Variants in CSNK1G1 observed in about 807,000 individuals in gnomAD.
CSNK1G1 encodes the protein casein kinase I isoform gamma-1.
CSNK1G1 carries 22 observed loss-of-function variants against 59.6 expected under a neutral mutation model. That is an observed-to-expected ratio of 0.37 (90% CI 0.26 to 0.53). The LOEUF (loss-of-function observed/expected upper bound fraction) is 0.53, where lower values mean the gene tolerates loss of function less well. Ranked by LOEUF, CSNK1G1 falls within the 20% of genes least tolerant of loss-of-function variation. The pLI is 0.89. For missense variants in CSNK1G1, 384 were observed against 519.5 expected, an observed-to-expected ratio of 0.74 and a Z score of 2.54; for synonymous variants, 179 against 177.1, an observed-to-expected ratio of 1.01 and a Z score of -0.08.
chr15:64,288,542 T>C (rs559603940), intron 2 of CSNK1G1, among the ~76,000 whole-genome samples: 14 of 151,730 alleles, frequency 9.2e-5, no homozygotes, highest in Non-Finnish European at 1.6e-4. Context: ...ACATGATACT[T>C]TATAAAGTTA....
At chr15:64,303,587 A>C (rs1473110793) in intron 1 of CSNK1G1, among the ~76,000 whole-genome samples, 1 of 151,918 alleles carries the variant, frequency 6.6e-6, no homozygotes, top group Non-Finnish European at 1.5e-5. Flanking sequence ...CCCCATCTCT[A>C]CTAAAAACAA....
chr15:64,248,890 G>A (rs974908577), intron 4 of CSNK1G1, among the ~76,000 whole-genome samples: 3 of 152,134 alleles, frequency 2.0e-5, no homozygotes, highest in Non-Finnish European at 4.4e-5. Context: ...GGAGGCCGAG[G>A]CAGGCGGATC....
Position 64,165,773 on chromosome 15 carries a change from G to C in CSNK1G1, c.*6158C>G. On this transcript the variant is annotated 3_prime_UTR_variant, in exon 12 of 12. Coordinates refer to ENST00000303052, the MANE Select transcript of CSNK1G1 (RefSeq NM_022048.5). The stretch of plus-strand genomic sequence containing the variant: ...AGACATTTTATTTTACATACAAAAA[G>C]GGTGCAAACTGAGTCCTTTCCTCCC... The C allele has an allele frequency of 2.7e-6, 1 of 376,238 alleles. No individual in the cohort carries two copies. Among genetic ancestry groups the C allele is most frequent in the East Asian group, 4.0e-5 (1 of 25,274 alleles). The allele number at this position is 376,238 out of a possible 1,614,324, so 23.3% of individuals were successfully genotyped here.
At chr15:64,265,919 A>C (rs1292924207) in intron 2 of CSNK1G1, 1 of 396,826 alleles carries the variant, frequency 2.5e-6, no homozygotes, top group Admixed American at 2.9e-5. Flanking sequence ...CTGCATCTGC[A>C]AAAAAAAATT....
chr15:64,289,149 C>T (rs1437811647), intron 2 of CSNK1G1, among the ~76,000 whole-genome samples: 2 of 150,202 alleles, frequency 1.3e-5, no homozygotes, highest in Non-Finnish European at 2.9e-5. Context: ...CACTGCACTC[C>T]AGCCTGGGCG....
intron 2 of CSNK1G1, among the ~76,000 whole-genome samples, chr15:64,288,730 C>T (rs1308742853): frequency 6.6e-6 from 1 of 152,120 alleles, no homozygotes; most frequent in Non-Finnish European, 1.5e-5. Flanking sequence ...AAAAGCTTTG[C>T]CGCCTTCTGG....
chr15:64,195,951 C>T (rs567592737), intron 10 of CSNK1G1, among the ~76,000 whole-genome samples: 71 of 152,238 alleles, frequency 4.7e-4, no homozygotes, highest in Non-Finnish European at 8.7e-4. Flanking sequence ...TGTGCTTGGC[C>T]AGGCATGGTA....
intron 4 of CSNK1G1, among the ~76,000 whole-genome samples, chr15:64,248,829 A>G (rs1891905857): frequency 1.3e-5 from 2 of 151,652 alleles, no homozygotes; most frequent in African/African-American, 4.8e-5. Flanking sequence ...CTAAAAAAAT[A>G]CAAAAAATTG....
At chr15:64,234,252 T>C (rs1006629393) in intron 4 of CSNK1G1, among the ~76,000 whole-genome samples, 8 of 152,124 alleles carry the variant, frequency 5.3e-5, no homozygotes, top group African/African-American at 7.2e-5. Context: ...TTTTTGTTTT[T>C]AACATGAGGC....
chr15:64,293,197 C>T (rs967319773), intron 2 of CSNK1G1, among the ~76,000 whole-genome samples: 2 of 152,298 alleles, frequency 1.3e-5, no homozygotes, highest in South Asian at 2.1e-4. Flanking sequence ...CCTACCTACA[C>T]AATCACTATC....
chr15:64,251,300 C>T (rs968802172), intron 4 of CSNK1G1: 113 of 439,942 alleles, frequency 2.6e-4, no homozygotes, highest in Non-Finnish European at 4.8e-5. Context: ...GGTCTGTGGG[C>T]ATAGTCATAG....
At chr15:64,172,125 G>A (rs1036539389) in intron 11 of CSNK1G1, 140 bp from the exon 12 acceptor site, 14 of 720,346 alleles carry the variant, frequency 1.9e-5, no homozygotes, top group African/African-American at 1.4e-4. Flanking sequence ...TACAGTGCAC[G>A]CACTGGAGGC....
intron 2 of CSNK1G1, among the ~76,000 whole-genome samples, chr15:64,297,504 T>C (rs543486613): frequency 2.7e-5 from 4 of 150,856 alleles, no homozygotes; most frequent in African/African-American, 9.8e-5. Flanking sequence ...AGGCCAGGAG[T>C]TCAAGACCAG....
intron 1 of CSNK1G1, among the ~76,000 whole-genome samples, chr15:64,313,063 A>G (rs1388819903): frequency 1.3e-5 from 2 of 152,238 alleles, no homozygotes; most frequent in African/African-American, 4.8e-5. Context: ...ATACCATCTC[A>G]CGCCAGTTAG....
intron 10 of CSNK1G1, among the ~76,000 whole-genome samples, chr15:64,199,250 C>CAAAAAAAGAAA (rs2082075913): frequency 1.9e-5 from 1 of 52,346 alleles, no homozygotes; most frequent in Non-Finnish European, 3.7e-5. Flanking sequence ...AATCTTTTCT[C>CAAAAAAAGAAA]AAAAAAAAAA....
intron 1 of CSNK1G1, among the ~76,000 whole-genome samples, chr15:64,333,496 C>T (rs1395161796): frequency 3.7e-5 from 4 of 107,074 alleles, no homozygotes; most frequent in South Asian, 6.5e-4. Flanking sequence ...CCTGAAAGCA[C>T]AAAACTCACA....
chr15:64,317,574 T>C (rs1391877730), intron 1 of CSNK1G1, among the ~76,000 whole-genome samples: 1 of 152,176 alleles, frequency 6.6e-6, no homozygotes, highest in Non-Finnish European at 1.5e-5. Flanking sequence ...TCATCTGTTT[T>C]TACTTATTTG....
At chr15:64,244,647 C>G (rs556992817) in intron 4 of CSNK1G1, among the ~76,000 whole-genome samples, 1 of 152,110 alleles carries the variant, frequency 6.6e-6, no homozygotes, top group Non-Finnish European at 1.5e-5. Context: ...CTTTGGGAGG[C>G]TGAGGCAGGT....
rs1278658490 is a variant in CSNK1G1 at position 64,259,234 on chromosome 15, A to G, written c.189T>C (p.Asn63=). The G allele has an allele frequency of 1.3e-6, 2 of 1,594,260 alleles. No individual in the cohort carries two copies. The highest frequency in any genetic ancestry group is 3.5e-5 in the Admixed American group (2 of 57,626). Residue 63 remains asparagine, a synonymous_variant, in exon 3 of 12, where the codon AAT becomes AAC. Coordinates refer to ENST00000303052, the MANE Select transcript of CSNK1G1 (RefSeq NM_022048.5). ...TTGCTACATATTCATTGGTGTAGAGATTTTTACCTAAGAGGAAAGCAGAAT... is the reference window on the plus strand; with the variant it reads ...TTGCTACATATTCATTGGTGTAGAGGTTTTTACCTAAGAGGAAAGCAGAAT... ...GNFGELRLGK[N]LYTNEYVAIK... is the part of the protein sequence containing the mutation.
Sources: allele counts gnomAD v4.1 joint callset (sites outside exome capture counted in the v4.1 genomes callset), GRCh38; gene constraint gnomAD v4.1.1; transcripts MANE v1.5; gene names NCBI Gene and HGNC (gene_info 2026-07-23, HGNC 2026-07-21).